The following WDR89 variants were observed in gnomAD, a reference collection of about 807,000 sequenced individuals.
WDR89 encodes WD repeat-containing protein 89.
Under a neutral mutation model 29.1 loss-of-function variants are expected in WDR89, and 17 were observed. The ratio of observed to expected loss-of-function variants is 0.58; its 90% CI spans 0.40 to 0.88. The LOEUF (loss-of-function observed/expected upper bound fraction) is 0.88, where lower values mean the gene tolerates loss of function less well. Ranked by LOEUF, WDR89 falls within the 40% of genes least tolerant of loss-of-function variation. WDR89 has a pLI of 0.00. For synonymous variants in WDR89, 138 were observed against 157.8 expected (o/e 0.87, Z 0.94); for missense variants, 396 against 456.3 (o/e 0.87, Z 1.20).
At chr14:63,604,298 C>T (rs372336648) in intron 2 of WDR89, among the ~76,000 whole-genome samples, 27 of 152,074 alleles carry the variant, frequency 1.8e-4, no homozygotes, top group Middle Eastern at 3.4e-3. Flanking sequence ...TGGTAGTGCA[C>T]GCCTGTAGTC....
At chr14:63,631,236 C>T (rs1026554020) in intron 1 of WDR89, among the ~76,000 whole-genome samples, 3 of 152,038 alleles carry the variant, frequency 2.0e-5, no homozygotes, top group Non-Finnish European at 2.9e-5. Flanking sequence ...TATGTGTCAA[C>T]TAAAAATCAA....
At chr14:63,640,530 CCAGGCTGGAGTACAGTAG>C (rs966885190) in intron 1 of WDR89, among the ~76,000 whole-genome samples, 4 of 151,802 alleles carry the variant, frequency 2.6e-5, no homozygotes, top group Non-Finnish European at 4.4e-5. Flanking sequence ...ACTCTGTCGC[CCAGGCTGGAGTACAGTAG>C]CACGATCTTG....
intron 1 of WDR89, among the ~76,000 whole-genome samples, chr14:63,631,310 TTTTTC>T (rs1224480687): frequency 6.6e-6 from 1 of 152,136 alleles, no homozygotes; most frequent in Non-Finnish European, 1.5e-5. Context: ...TTGAGAAATA[TTTTTC>T]TTTTCTTTCT....
chr14:63,631,583 T>C (rs1430139410), intron 1 of WDR89, among the ~76,000 whole-genome samples: 1 of 152,052 alleles, frequency 6.6e-6, no homozygotes, highest in Non-Finnish European at 1.5e-5. Flanking sequence ...GGTCTTGCTA[T>C]GTTGCTCAGG....
chr14:63,637,904 T>C (rs1218775477), intron 1 of WDR89, among the ~76,000 whole-genome samples: 1 of 152,030 alleles, frequency 6.6e-6, no homozygotes, highest in Non-Finnish European at 1.5e-5. Flanking sequence ...ACTAAAGAAC[T>C]TACTCATATA....
chr14:63,626,803 G>T (rs1441465177), intron 1 of WDR89, among the ~76,000 whole-genome samples: 1 of 151,480 alleles, frequency 6.6e-6, no homozygotes, highest in African/African-American at 2.4e-5. Context: ...AGGCTGATGG[G>T]GTGTCAGGAA....
At chr14:63,627,674 T>C (rs984802486) in intron 1 of WDR89, among the ~76,000 whole-genome samples, 11 of 152,182 alleles carry the variant, frequency 7.2e-5, no homozygotes, top group African/African-American at 2.7e-4. Context: ...AGCAAGTGGC[T>C]TTTTCTGGTT....
At chr14:63,634,533 A>AG (rs558804865) in intron 1 of WDR89, among the ~76,000 whole-genome samples, 103 of 151,918 alleles carry the variant, frequency 6.8e-4, no homozygotes, top group African/African-American at 2.4e-3. Flanking sequence ...AAAAAAAAAA[A>AG]AGAGAAGTGA....
At chr14:63,613,592 C>G (rs1882124906) in intron 2 of WDR89, among the ~76,000 whole-genome samples, 1 of 151,396 alleles carries the variant, frequency 6.6e-6, no homozygotes, top group Admixed American at 6.6e-5. Flanking sequence ...CAACCTCCAC[C>G]TCCTGGATTC....
rs114411835 is a variant in WDR89, at chr14:63,628,510, T to C, written c.-137-3477A>G. Reference sequence around the variant, plus strand: ...TGTAACGTGATGATAATAGATGAGATGGGGTCAAGATCTTTTAGATAAGAT... The same window carrying C: ...TGTAACGTGATGATAATAGATGAGACGGGGTCAAGATCTTTTAGATAAGAT... On this transcript the variant is annotated intron_variant, in intron 1 of 2. Transcript: ENST00000620954. 5.1e-3 allele frequency among the ~76,000 whole-genome samples: 777 copies of C among 152,186 alleles called. 5 individuals carry two copies. The highest frequency in any genetic ancestry group is 0.018 in the African/African-American group (732 of 41,542).
intron 2 of WDR89, among the ~76,000 whole-genome samples, chr14:63,610,111 T>C (rs559609809): frequency 6.6e-4 from 98 of 149,154 alleles, no homozygotes; most frequent in Admixed American, 1.3e-3. Context: ...TCCCAGCTAC[T>C]TGGGAGGCTG....
At chr14:63,618,737 G>A (rs1334290202) in intron 2 of WDR89, among the ~76,000 whole-genome samples, 1 of 151,978 alleles carries the variant, frequency 6.6e-6, no homozygotes, top group Non-Finnish European at 1.5e-5. Flanking sequence ...AAAAAGGATA[G>A]CAAAAGAAAG....
At chr14:63,610,195 G>C (rs1324173321) in intron 2 of WDR89, among the ~76,000 whole-genome samples, 21 of 143,460 alleles carry the variant, frequency 1.5e-4, no homozygotes, top group Admixed American at 1.5e-3. Context: ...ACTCTGGCCG[G>C]GGCGACAGAG....
At chr14:63,618,521 A>C (rs764550237) in intron 2 of WDR89, among the ~76,000 whole-genome samples, 5 of 152,196 alleles carry the variant, frequency 3.3e-5, no homozygotes, top group Non-Finnish European at 5.9e-5. Flanking sequence ...ATTAAGAATA[A>C]GAAAGCAGAA....
intron 2 of WDR89, among the ~76,000 whole-genome samples, chr14:63,608,282 C>T (rs1566791643): frequency 6.6e-6 from 1 of 152,026 alleles, no homozygotes; most frequent in Non-Finnish European, 1.5e-5. Context: ...TGGTGACTTA[C>T]ACCTGTAATC....
At chr14:63,612,329 G>GTT (rs554114500) in intron 2 of WDR89, among the ~76,000 whole-genome samples, 3 of 140,044 alleles carry the variant, frequency 2.1e-5, no homozygotes, top group African/African-American at 7.9e-5. Context: ...AAAATTTCAA[G>GTT]TTTTTTTTTT....
intron 2 of WDR89, among the ~76,000 whole-genome samples, chr14:63,607,624 G>A (rs932604643): frequency 2.0e-5 from 3 of 151,894 alleles, no homozygotes; most frequent in Non-Finnish European, 2.9e-5. Context: ...GCTCACATCT[G>A]TAATCCCAGC....
At chr14:63,611,702 CA>C (rs1039378342) in intron 2 of WDR89, among the ~76,000 whole-genome samples, 14 of 150,992 alleles carry the variant, frequency 9.3e-5, no homozygotes, top group South Asian at 6.3e-4. Context: ...TTATCCCCCC[CA>C]AAAAAAAATT....
chr14:63,613,633 G>A (rs1400308317), intron 2 of WDR89, among the ~76,000 whole-genome samples: 1 of 151,274 alleles, frequency 6.6e-6, no homozygotes, highest in Non-Finnish European at 1.5e-5. Context: ...CTCCCGAGTG[G>A]CTAGGATTGC....
Sources: allele counts gnomAD v4.1 joint callset (sites outside exome capture counted in the v4.1 genomes callset), GRCh38; gene constraint gnomAD v4.1.1; transcripts MANE v1.5; gene names NCBI Gene and HGNC (gene_info 2026-07-23, HGNC 2026-07-21).